The following TFF3 variants were observed in gnomAD, a reference collection of about 807,000 sequenced individuals.
The protein encoded by TFF3 is trefoil factor 3, also known as polypeptide P1.B.
In TFF3, 6 loss-of-function variants were observed where a neutral mutation model predicts 9.7. The ratio of observed to expected loss-of-function variants is 0.62; its 90% confidence interval spans 0.34 to 1.22. TFF3 has a LOEUF of 1.22. Among genes scored for constraint, TFF3 ranks in the 50% most tolerant of loss-of-function variants. The probability of loss-of-function intolerance (pLI) is 0.04; values close to 1 mark genes in which losing one functional copy is unlikely to be tolerated. For missense variants in TFF3, 93 were observed against 98.6 expected, an observed-to-expected ratio of 0.94 and a Z score of 0.24; for synonymous variants, 48 against 41.4, an observed-to-expected ratio of 1.16 and a Z score of -0.61.
chr21:42,313,785 C>T lies in TFF3; in HGVS notation c.83-154G>A. 1.2e-6 allele frequency: 1 copy of T among 803,230 alleles called. No homozygotes were observed. The highest frequency in any genetic ancestry group is 1.8e-6 in the Non-Finnish European group (1 of 542,916). 49.8% of individuals were successfully genotyped at this position (803,230 alleles called of 1,614,324 possible). The stretch of plus-strand genomic sequence containing the variant: ...CCTCGCCCTTAGGAAGATGCACTTT[C>T]CCTGTGAATATTTAAAGAGAGGCAG... On this transcript the variant is annotated intron_variant, in intron 1 of 2. Coordinates refer to ENST00000518498, the MANE Select transcript of TFF3 (RefSeq NM_003226.4). The surrounding 1 kb of genome is among the most constrained non-coding windows in gnomAD (Gnocchi z 4.0).
In TFF3 at chr21:42,313,736, G is replaced by T. The variant is rs112543529; in HGVS notation, c.83-105C>A. 13 of 1,360,684 alleles carry T rather than the reference G, an allele frequency of 9.6e-6. No homozygotes were observed. In the African/African-American group the frequency reaches 1.8e-4, roughly 19 times the overall value. The allele number at this position is 1,360,684 out of a possible 1,614,324, so 84.3% of individuals were successfully genotyped here. On this transcript the variant is annotated intron_variant, in intron 1 of 2. Transcript: ENST00000518498. This position sits in a 1 kb window ranked among gnomAD's most constrained non-coding sequence, Gnocchi z 4.0. Reference sequence around the variant, plus strand: ...GCATCCTCCCGCTCCGCCCCACCCCGCCGAGTTCAACCACTGCTGAAACCC... The same window carrying T: ...GCATCCTCCCGCTCCGCCCCACCCCTCCGAGTTCAACCACTGCTGAAACCC...
At position 42,315,208 on chromosome 21, in the gene TFF3, T is replaced by C. The variant is rs2069351697; in HGVS notation, c.82+85A>G. 4 of 1,499,106 alleles carry C rather than the reference T, an allele frequency of 2.7e-6. No individual in the cohort carries two copies. The African/African-American group carries it at 4.2e-5, about 16-fold the overall frequency. The allele number at this position is 1,499,106 out of a possible 1,614,324, so 92.9% of individuals were successfully genotyped here. A position where few individuals can be genotyped will look rare whatever the true frequency, so the allele number is the denominator to read the frequency against. The stretch of plus-strand genomic sequence containing the variant: ...GTGTATATGTGACAGGTGGCCATTA[T>C]TAAATGAATGCAGAATCCCCCCTTA... On this transcript the variant is annotated intron_variant, in intron 1 of 2. Coordinates refer to ENST00000518498, the MANE Select transcript of TFF3 (RefSeq NM_003226.4).
rs201687627 is a variant in TFF3, at chr21:42,313,471, C to A, written c.229+14G>T. On this transcript the variant is annotated intron_variant, in intron 2 of 2. Coordinates refer to ENST00000518498, the MANE Select transcript of TFF3 (RefSeq NM_003226.4). This position sits in a 1 kb window ranked among gnomAD's most constrained non-coding sequence, Gnocchi z 4.0. ...TGGGGCTGGGCCCAGACCACGATGC[C>A]ACTGGGGCCTTACCTGCTTCCTGCA... 2.5e-6 allele frequency: 4 copies of A among 1,602,226 alleles called. No homozygotes were observed. In the Admixed American group the frequency reaches 6.8e-5, roughly 27 times the overall value.
At chr21:42,312,961 C>T (rs934781918) in intron 2 of TFF3, among the ~76,000 whole-genome samples, 2 of 152,098 alleles carry the variant, frequency 1.3e-5, no homozygotes, top group African/African-American at 4.8e-5. Context: ...GGGGAGGGAA[C>T]CCCCAGGGTG....
Position 42,312,092 on chromosome 21 carries a change from T to A in TFF3, c.*164A>T. ...CTGTCCTCGGGTGGAGCATGGGACCTTTATTCGTTAAGACATCAGGCTCCA... is the reference window on the plus strand; with the variant it reads ...CTGTCCTCGGGTGGAGCATGGGACCATTATTCGTTAAGACATCAGGCTCCA... On this transcript the variant is annotated 3_prime_UTR_variant, in exon 3 of 3. Transcript: ENST00000518498. The A allele has an allele frequency of 1.1e-6, 1 of 929,940 alleles. No homozygotes were observed. The highest frequency in any genetic ancestry group is 1.8e-6 in the Non-Finnish European group (1 of 566,346). The allele number at this position is 929,940 out of a possible 1,614,324, so 57.6% of individuals were successfully genotyped here.
rs2146376510 is a variant in TFF3 at position 42,312,078 on chromosome 21, T to C, written c.*178A>G. The C allele has an allele frequency of 1.2e-6, 1 of 832,370 alleles. No homozygotes were observed. Among genetic ancestry groups the C allele is most frequent in the East Asian group, 2.6e-5 (1 of 39,092 alleles). 51.6% of individuals were successfully genotyped at this position (832,370 alleles called of 1,614,324 possible). On this transcript the variant is annotated 3_prime_UTR_variant, in exon 3 of 3. Transcript: ENST00000518498. ...TCAGGCACGAAGAACTGTCCTCGGG[T>C]GGAGCATGGGACCTTTATTCGTTAA...
intron 1 of TFF3, 56 bp downstream of exon 1, chr21:42,315,237 T>TGG (rs2069351825): frequency 6.3e-7 from 1 of 1,577,958 alleles, no homozygotes; most frequent in Non-Finnish European, 8.6e-7. Context: ...CCCCTTATCC[T>TGG]GGATCCCTTC....
At position 42,312,272 on chromosome 21, in the gene TFF3, G is replaced by A. The variant is rs1051192901; in HGVS notation, c.230-3C>T. ...GGAGGTGCCTCAGAAGGTGCATTCT[G>A]CAAACAGAGCAAAGGCTTGTGTGAG... On this transcript the variant is annotated splice_polypyrimidine_tract_variant and splice_region_variant and intron_variant, in intron 2 of 2. Coordinates refer to ENST00000518498, the MANE Select transcript of TFF3 (RefSeq NM_003226.4). The A allele has an allele frequency of 6.2e-7, 1 of 1,605,424 alleles. No individual in the cohort carries two copies. Among genetic ancestry groups the A allele is most frequent in the Non-Finnish European group, 8.5e-7 (1 of 1,175,758 alleles).
At chr21:42,312,868 C>T (rs2069338710) in intron 2 of TFF3, among the ~76,000 whole-genome samples, 1 of 152,144 alleles carries the variant, frequency 6.6e-6, no homozygotes, top group East Asian at 1.9e-4. Flanking sequence ...CGATGTGGGG[C>T]AGCTAAGCCT....
At chr21:42,312,339 G>A (rs2069335611) in intron 2 of TFF3, 70 bp from the exon 3 acceptor site, 2 of 1,533,534 alleles carry the variant, frequency 1.3e-6, no homozygotes, top group Admixed American at 2.0e-5. Flanking sequence ...CCAAGGTCAG[G>A]GCAGGCTCCA....
chr21:42,313,484 C>T lies in TFF3; in HGVS notation c.229+1G>A, dbSNP rs111248652. 1 of 1,607,386 alleles carries T rather than the reference C, an allele frequency of 6.2e-7. No homozygotes were observed. The highest frequency in any genetic ancestry group is 1.7e-5 in the Admixed American group (1 of 59,466). ...AGACCACGATGCCACTGGGGCCTTA[C>T]CTGCTTCCTGCAGGGGCTTGAAACA... On this transcript the variant is annotated splice_donor_variant, in intron 2 of 2. Coordinates refer to ENST00000518498, the MANE Select transcript of TFF3 (RefSeq NM_003226.4). LOFTEE classifies it high-confidence loss of function. This position sits in a 1 kb window ranked among gnomAD's most constrained non-coding sequence, Gnocchi z 4.0.
In TFF3 at chr21:42,311,903, G is replaced by A; in HGVS notation, c.*353C>T. Reference sequence around the variant, plus strand: ...GTGTTCCTAGGCTTTCCTGTGACGTGGGTGCCAGTCTGGATTCAAAATATC... The same window carrying A: ...GTGTTCCTAGGCTTTCCTGTGACGTAGGTGCCAGTCTGGATTCAAAATATC... On this transcript the variant is annotated 3_prime_UTR_variant, in exon 3 of 3. Transcript: ENST00000518498. 2.1e-6 allele frequency: 1 copy of A among 484,992 alleles called. No individual in the cohort carries two copies. Among genetic ancestry groups the A allele is most frequent in the South Asian group, 2.2e-5 (1 of 45,344 alleles). 30.0% of individuals were successfully genotyped at this position (484,992 alleles called of 1,614,324 possible).
At chr21:42,315,255 G>T in intron 1 of TFF3, 38 bp downstream of exon 1, 1 of 1,594,972 alleles carries the variant, frequency 6.3e-7, no homozygotes. Flanking sequence ...TTCCCTTCAC[G>T]CCCACCCTGC....
Position 42,315,331 on chromosome 21 carries a change from A to G in TFF3, c.44T>C (p.Leu15Ser), listed in dbSNP as rs767966370. The G allele has an allele frequency of 1.3e-5, 21 of 1,613,980 alleles. No individual in the cohort carries two copies. The highest frequency in any genetic ancestry group is 1.6e-5 in the Non-Finnish European group (19 of 1,180,008). Residue 15 changes from leucine (L) to serine (S), a missense_variant, in exon 1 of 3, where the codon TTG becomes TCG. Physicochemically the swap from Leu to Ser is moderately radical, Grantham distance 145. Coordinates refer to ENST00000518498, the MANE Select transcript of TFF3 (RefSeq NM_003226.4). Reference protein sequence around the residue: ...ALCMLGLVLALLSSSSAEEYV... With the variant: ...ALCMLGLVLASLSSSSAEEYV... Reference sequence around the variant, plus strand: ...CTCCTCAGCAGAGCTGGAGGACAGCAAGGCCAGGACCAGCCCCAGCATGCA... The same window carrying G: ...CTCCTCAGCAGAGCTGGAGGACAGCGAGGCCAGGACCAGCCCCAGCATGCA...
In TFF3 at chr21:42,315,352, A is replaced by C. The variant is rs759007448; in HGVS notation, c.23T>G (p.Met8Arg). The C allele has an allele frequency of 6.2e-7, 1 of 1,614,188 alleles. No individual in the cohort carries two copies. The highest frequency in any genetic ancestry group is 2.2e-5 in the East Asian group (1 of 44,888). ...CAGCAAGGCCAGGACCAGCCCCAGC[A>C]TGCAGAGCGCTCTGGCAGCCATGAC... MAARALC[M>R]LGLVLALLSS... Residue 8 changes from methionine to arginine, a missense_variant, in exon 1 of 3, where the codon ATG (methionine) becomes AGG (arginine). Met to Arg is a moderately conservative substitution (Grantham distance 91). Coordinates refer to ENST00000518498, the MANE Select transcript of TFF3 (RefSeq NM_003226.4).
Position 42,313,680 on chromosome 21 carries a change from GGTGA to G in TFF3, c.83-53_83-50del, listed in dbSNP as rs2069343655. Reference sequence around the variant, plus strand: ...GCTGCCAGAGCCCTTGCTGGGCTGCGGTGAGTGTGTTTGCTTCACTTTGCAAGTT... The same window carrying G: ...GCTGCCAGAGCCCTTGCTGGGCTGCGGTGTGTTTGCTTCACTTTGCAAGTT... On this transcript the variant is annotated intron_variant, in intron 1 of 2. Transcript: ENST00000518498. This position sits in a 1 kb window ranked among gnomAD's most constrained non-coding sequence, Gnocchi z 4.0. The G allele has an allele frequency of 5.1e-6, 8 of 1,562,802 alleles. No homozygotes were observed. The highest frequency in any genetic ancestry group is 6.9e-6 in the Non-Finnish European group (8 of 1,153,016).
At chr21:42,312,861 T>C (rs540232224) in intron 2 of TFF3, among the ~76,000 whole-genome samples, 2 of 152,230 alleles carry the variant, frequency 1.3e-5, no homozygotes, top group East Asian at 1.9e-4. Context: ...CCACCCACGA[T>C]GTGGGGCAGC....
intron 2 of TFF3, 62 bp from the exon 3 acceptor site, chr21:42,312,331 A>T (rs2069335572): frequency 1.3e-6 from 2 of 1,542,768 alleles, no homozygotes; most frequent in Non-Finnish European, 1.7e-6. Flanking sequence ...CCAGCTTCCC[A>T]AGGTCAGGGC....
chr21:42,312,718 C>A (rs2236705), intron 2 of TFF3, among the ~76,000 whole-genome samples: 19,544 of 152,186 alleles, frequency 0.13, 1,500 homozygotes, highest in Middle Eastern at 0.18. Flanking sequence ...CAGCCTCCCG[C>A]ATTTCACCCT....
Sources: gnomAD v4.1 joint callset for allele counts (sites outside exome capture counted in the v4.1 genomes callset) on GRCh38, gnomAD v4.1.1 for gene constraint, Gnocchi (gnomAD v3.1) non-coding constraint, MANE v1.5 for transcripts, NCBI Gene and HGNC (gene_info 2026-07-23, HGNC 2026-07-21) for gene names.